ATXN1: variants seen among roughly 807,000 people sequenced by gnomAD.
ATXN1 encodes the protein ataxin-1.
In ATXN1, 8 loss-of-function variants were observed where a neutral mutation model predicts 56.4. The observed-to-expected ratio is 0.14, with a 90% CI of 0.08 to 0.26. The LOEUF (loss-of-function observed/expected upper bound fraction) is 0.26, where lower values mean the gene tolerates loss of function less well. ATXN1 is among the 10% of genes least tolerant of loss of function. ATXN1 has a pLI of 1.00. For synonymous variants in ATXN1, 514 were observed against 494.6 expected (o/e 1.04, Z -0.52); for missense variants, 987 against 1,106.5 (o/e 0.89, Z 1.53).
At chr6:16,708,191 G>C (rs1261474252) in intron 2 of ATXN1, among the ~76,000 whole-genome samples, 3 of 152,096 alleles carry the variant, frequency 2.0e-5, no homozygotes, top group Non-Finnish European at 4.4e-5. Flanking sequence ...GGAATGTAAG[G>C]TTAAAAGCAT....
chr6:16,454,421 C>T (rs1011781473), intron 6 of ATXN1, among the ~76,000 whole-genome samples: 4 of 152,104 alleles, frequency 2.6e-5, no homozygotes, highest in African/African-American at 7.2e-5. Context: ...AATGGTTAAC[C>T]CCCCCTGCTA....
intron 5 of ATXN1, among the ~76,000 whole-genome samples, chr6:16,510,551 C>T (rs1235803749): frequency 6.6e-6 from 1 of 152,038 alleles, no homozygotes; most frequent in African/African-American, 2.4e-5. Flanking sequence ...ACCAGAGGAG[C>T]ACAGTGAAAC....
chr6:16,672,398 C>T, intron 2 of ATXN1, among the ~76,000 whole-genome samples: 1 of 152,164 alleles, frequency 6.6e-6, no homozygotes, highest in East Asian at 1.9e-4. Context: ...CTCAAGTCAG[C>T]AAAATGTGGC....
intron 4 of ATXN1, among the ~76,000 whole-genome samples, chr6:16,540,404 G>A (rs952283018): frequency 2.6e-5 from 4 of 152,020 alleles, no homozygotes; most frequent in Non-Finnish European, 5.9e-5. Flanking sequence ...GTAGAGACGG[G>A]TTTCACCATG....
At chr6:16,560,323 G>A (rs763631487) in intron 4 of ATXN1, among the ~76,000 whole-genome samples, 7 of 151,664 alleles carry the variant, frequency 4.6e-5, no homozygotes, top group Non-Finnish European at 7.4e-5. Flanking sequence ...CCAGCTACTC[G>A]GGAGGCTGAG....
chr6:16,630,780 G>C (rs1030324122), intron 3 of ATXN1, among the ~76,000 whole-genome samples: 1 of 152,196 alleles, frequency 6.6e-6, no homozygotes, highest in South Asian at 2.1e-4. Flanking sequence ...GCAATAAAAG[G>C]AATCTGTTCA....
chr6:16,472,971 T>C (rs1336599259), intron 6 of ATXN1, among the ~76,000 whole-genome samples: 1 of 152,210 alleles, frequency 6.6e-6, no homozygotes, highest in Non-Finnish European at 1.5e-5. Flanking sequence ...GATTAGGTCC[T>C]GGGTTTTTAG....
intron 4 of ATXN1, among the ~76,000 whole-genome samples, chr6:16,550,787 GT>G (rs1014849941): frequency 7.9e-5 from 12 of 152,198 alleles, no homozygotes; most frequent in African/African-American, 2.6e-4. Flanking sequence ...AAAGGATTAA[GT>G]TTTTTTCTTG....
intron 6 of ATXN1, among the ~76,000 whole-genome samples, chr6:16,411,275 AC>A (rs1758794354): frequency 6.6e-6 from 1 of 152,142 alleles, no homozygotes; most frequent in Non-Finnish European, 1.5e-5. Context: ...AATAATAATA[AC>A]ATAACTAATT....
chr6:16,481,154 C>T (rs1417851353), intron 6 of ATXN1, among the ~76,000 whole-genome samples: 1 of 152,208 alleles, frequency 6.6e-6, no homozygotes, highest in South Asian at 2.1e-4. Context: ...TCTGCCTTTA[C>T]AATCTGTAGG....
intron 6 of ATXN1, among the ~76,000 whole-genome samples, chr6:16,469,718 C>T (rs1332926537): frequency 2.0e-5 from 3 of 152,142 alleles, no homozygotes; most frequent in South Asian, 2.1e-4. Flanking sequence ...AATCCCAGTG[C>T]TTTGGGAGGC....
At chr6:16,712,280 T>G (rs1198436626) in intron 2 of ATXN1, among the ~76,000 whole-genome samples, 1 of 151,822 alleles carries the variant, frequency 6.6e-6, no homozygotes, top group African/African-American at 2.4e-5. Flanking sequence ...ATAAACTAAT[T>G]TATTAGTGAA....
chr6:16,628,206 A>G (rs761584982), intron 3 of ATXN1, among the ~76,000 whole-genome samples: 9 of 152,206 alleles, frequency 5.9e-5, no homozygotes, highest in Admixed American at 5.2e-4. Context: ...TGTTCATACA[A>G]TATGACCCAA....
At chr6:16,346,680 G>A (rs1380423914) in intron 6 of ATXN1, among the ~76,000 whole-genome samples, 1 of 152,204 alleles carries the variant, frequency 6.6e-6, no homozygotes, top group Non-Finnish European at 1.5e-5. Flanking sequence ...GTCTCACTCT[G>A]TCACCCAGGC....
At chr6:16,685,373 T>G (rs1758896355) in intron 2 of ATXN1, among the ~76,000 whole-genome samples, 1 of 152,180 alleles carries the variant, frequency 6.6e-6, no homozygotes, top group East Asian at 1.9e-4. Flanking sequence ...CATTGGGTTT[T>G]CCCTTTCTGG....
At chr6:16,753,771 C>T (rs1212702526) in intron 1 of ATXN1, among the ~76,000 whole-genome samples, 21 of 152,028 alleles carry the variant, frequency 1.4e-4, no homozygotes, top group African/African-American at 3.4e-4. Flanking sequence ...TATCAACATG[C>T]AACTTGAAAC....
At chr6:16,710,059 C>T (rs972687247) in intron 2 of ATXN1, among the ~76,000 whole-genome samples, 2 of 152,050 alleles carry the variant, frequency 1.3e-5, no homozygotes, top group African/African-American at 2.4e-5. Flanking sequence ...AAGGAAACTT[C>T]GTCAATCCAA....
chr6:16,426,660 A>T (rs1759162335), intron 6 of ATXN1, among the ~76,000 whole-genome samples: 1 of 151,832 alleles, frequency 6.6e-6, no homozygotes, highest in Non-Finnish European at 1.5e-5. Flanking sequence ...ATGGAGAGAC[A>T]CTGGCAGCAA....
rs1408835016 is a variant in ATXN1, at chr6:16,760,945, C to A, written c.-730+353G>T. Among the ~76,000 whole-genome samples, 5 of 148,882 alleles carry A rather than the reference C, an allele frequency of 3.4e-5. No homozygotes were observed. In the East Asian group the frequency reaches 9.9e-4, roughly 30 times the overall value. Reference sequence around the variant, plus strand: ...CGCCCGCGCCCCCCGCCCGGGCGCGCCCCCTAGCCCGGCGGGCGCCCACCC... The same window carrying A: ...CGCCCGCGCCCCCCGCCCGGGCGCGACCCCTAGCCCGGCGGGCGCCCACCC... On this transcript the variant is annotated intron_variant, in intron 1 of 7. Coordinates refer to ENST00000436367, the MANE Select transcript of ATXN1 (RefSeq NM_001128164.2). This position sits in a 1 kb window ranked among gnomAD's most constrained non-coding sequence, Gnocchi z 5.3.
Sources: allele counts gnomAD v4.1 joint callset (sites outside exome capture counted in the v4.1 genomes callset), GRCh38; gene constraint gnomAD v4.1.1; non-coding constraint Gnocchi (gnomAD v3.1); transcripts MANE v1.5; gene names NCBI Gene and HGNC (gene_info 2026-07-23, HGNC 2026-07-21).